Variants in ZNF521 observed in about 807,000 individuals in gnomAD.
The protein encoded by ZNF521 is LYST-interacting protein 3.
In ZNF521, 14 loss-of-function variants were observed where a neutral mutation model predicts 105.5. That is an observed-to-expected ratio of 0.13 (90% CI 0.09 to 0.21). The LOEUF is 0.21. Among genes scored for constraint, ZNF521 ranks in the 10% least tolerant of loss-of-function variants. The pLI, the probability that ZNF521 is intolerant of heterozygous loss-of-function variation, is 1.00. For synonymous variants in ZNF521, 635 were observed against 606.0 expected (o/e 1.05, Z -0.70); for missense variants, 1,233 against 1,629.7 (o/e 0.76, Z 4.19).
rs566318818 is a variant in ZNF521 at position 25,336,601 on chromosome 18, T to C, written c.40+14306A>G. On this transcript the variant is annotated intron_variant, in intron 2 of 7. Coordinates refer to ENST00000361524, the MANE Select transcript of ZNF521 (RefSeq NM_015461.3). ...TTTTTCTTTCTTAATTCTATCTACGTTGGCAAAGCAAAGTTAGATTTTGGA... is the reference window on the plus strand; with the variant it reads ...TTTTTCTTTCTTAATTCTATCTACGCTGGCAAAGCAAAGTTAGATTTTGGA... 3.3e-5 allele frequency among the ~76,000 whole-genome samples: 5 copies of C among 152,314 alleles called. No individual in the cohort carries two copies. In the East Asian group the frequency reaches 9.6e-4, roughly 29 times the overall value.
chr18:25,309,060 G>A (rs886943991), intron 3 of ZNF521, among the ~76,000 whole-genome samples: 3 of 152,192 alleles, frequency 2.0e-5, no homozygotes, highest in African/African-American at 7.2e-5. Context: ...AGCAAAGCAT[G>A]GTTCTTTGCT....
chr18:25,111,606 C>G (rs918906574), intron 5 of ZNF521, among the ~76,000 whole-genome samples: 1 of 152,216 alleles, frequency 6.6e-6, no homozygotes. Context: ...CCTGGTCAGT[C>G]AGTGAACAAT....
chr18:25,063,733 G>A (rs2032974766), intron 7 of ZNF521, among the ~76,000 whole-genome samples: 1 of 152,116 alleles, frequency 6.6e-6, no homozygotes, highest in Non-Finnish European at 1.5e-5. Context: ...TATTTGCCTG[G>A]AGCATAAGCC....
chr18:25,231,615 T>C (rs1027927178), intron 3 of ZNF521: 4 of 152,162 alleles, frequency 2.6e-5, no homozygotes, highest in African/African-American at 9.7e-5. Context: ...CCTGCCATTG[T>C]GGAAGAGAAA....
intron 3 of ZNF521, among the ~76,000 whole-genome samples, chr18:25,300,574 T>C (rs929359841): frequency 6.7e-6 from 1 of 149,662 alleles, no homozygotes; most frequent in Non-Finnish European, 1.5e-5. Context: ...TAGAGTGTCA[T>C]CAAAGCAAAC....
intron 7 of ZNF521, among the ~76,000 whole-genome samples, chr18:25,084,169 T>C (rs1453385915): frequency 7.2e-6 from 1 of 139,810 alleles, no homozygotes; most frequent in African/African-American, 2.5e-5. Context: ...ATTCTGACTA[T>C]TAACAAGGAC....
At chr18:25,195,641 C>T (rs989396136) in intron 4 of ZNF521, among the ~76,000 whole-genome samples, 8 of 151,582 alleles carry the variant, frequency 5.3e-5, no homozygotes, top group South Asian at 4.1e-4. Flanking sequence ...TTCTGACCAA[C>T]ATAACTGGGG....
chr18:25,191,573 C>T (rs1162642453), intron 5 of ZNF521, among the ~76,000 whole-genome samples: 4 of 152,170 alleles, frequency 2.6e-5, no homozygotes, highest in East Asian at 1.9e-4. Flanking sequence ...CCATAGTGAT[C>T]GAAATTTCTT....
At chr18:25,341,872 G>A (rs1219848621) in intron 2 of ZNF521, among the ~76,000 whole-genome samples, 1 of 152,194 alleles carries the variant, frequency 6.6e-6, no homozygotes, top group Non-Finnish European at 1.5e-5. Flanking sequence ...TTATATATCT[G>A]TTTGGTTCAC....
At chr18:25,258,861 AAC>A (rs1268679972) in intron 3 of ZNF521, among the ~76,000 whole-genome samples, 1 of 152,202 alleles carries the variant, frequency 6.6e-6, no homozygotes, top group African/African-American at 2.4e-5. Flanking sequence ...ATGTTCTCCA[AAC>A]ACAGAGTATC....
At chr18:25,205,368 T>C (rs983017181) in intron 4 of ZNF521, among the ~76,000 whole-genome samples, 1 of 152,132 alleles carries the variant, frequency 6.6e-6, no homozygotes, top group Non-Finnish European at 1.5e-5. Flanking sequence ...TGGGAAAATA[T>C]GGGTTTAAAT....
intron 5 of ZNF521, among the ~76,000 whole-genome samples, chr18:25,138,635 G>C (rs192055018): frequency 6.6e-6 from 1 of 152,074 alleles, no homozygotes; most frequent in African/African-American, 2.4e-5. Context: ...GAAAATGTAT[G>C]ATCAAAAAAT....
At chr18:25,159,821 T>G (rs1480400638) in intron 5 of ZNF521, among the ~76,000 whole-genome samples, 1 of 152,192 alleles carries the variant, frequency 6.6e-6, no homozygotes, top group Non-Finnish European at 1.5e-5. Context: ...CTCAGCATCC[T>G]TCGGCCTTGG....
chr18:25,242,681 G>C (rs1907419819), intron 3 of ZNF521, among the ~76,000 whole-genome samples: 1 of 152,078 alleles, frequency 6.6e-6, no homozygotes, highest in African/African-American at 2.4e-5. Context: ...ATTTTGTTTT[G>C]CTTGGTTTTT....
intron 7 of ZNF521, 90 bp from the exon 8 acceptor site, chr18:25,062,831 C>T: frequency 1.6e-6 from 2 of 1,234,364 alleles, no homozygotes; most frequent in Non-Finnish European, 2.2e-6. Context: ...TTTCATCAGA[C>T]CAAGCATATA....
At chr18:25,337,251 A>G (rs905819037) in intron 2 of ZNF521, among the ~76,000 whole-genome samples, 21 of 152,236 alleles carry the variant, frequency 1.4e-4, no homozygotes, top group African/African-American at 5.1e-4. Flanking sequence ...AATCCTTTCT[A>G]TAATATGTCA....
chr18:25,318,747 A>C (rs918989141), intron 3 of ZNF521, among the ~76,000 whole-genome samples: 1 of 152,110 alleles, frequency 6.6e-6, no homozygotes, highest in Non-Finnish European at 1.5e-5. Flanking sequence ...AAAAATACAC[A>C]TATGTGCATA....
intron 3 of ZNF521, among the ~76,000 whole-genome samples, chr18:25,275,448 T>C (rs1909968177): frequency 6.6e-6 from 1 of 152,194 alleles, no homozygotes; most frequent in African/African-American, 2.4e-5. Flanking sequence ...TCTTTACACT[T>C]TGATTTATTG....
intron 5 of ZNF521, among the ~76,000 whole-genome samples, chr18:25,174,993 G>A (rs1017334671): frequency 6.6e-6 from 1 of 152,124 alleles, no homozygotes; most frequent in Non-Finnish European, 1.5e-5. Flanking sequence ...CGGTAAAAGC[G>A]AATGTAATTA....
Sources: gnomAD v4.1 joint callset for allele counts (sites outside exome capture counted in the v4.1 genomes callset) on GRCh38, gnomAD v4.1.1 for gene constraint, MANE v1.5 for transcripts, NCBI Gene and HGNC (gene_info 2026-07-23, HGNC 2026-07-21) for gene names.